Variants in MEI4 observed in about 807,000 individuals in gnomAD.
MEI4 encodes the protein meiotic double-stranded break formation protein 4, also known as meiosis-specific protein MEI4.
Under a neutral mutation model 31.4 loss-of-function variants are expected in MEI4, and 27 were observed. That is an observed-to-expected ratio of 0.86 (90% confidence interval 0.63 to 1.19). The LOEUF (loss-of-function observed/expected upper bound fraction) is 1.19, where lower values mean the gene tolerates loss of function less well. MEI4 is among the 50% of genes most tolerant of loss of function. The probability of loss-of-function intolerance (pLI) is 0.00; values close to 1 mark genes in which losing one functional copy is unlikely to be tolerated. For synonymous variants in MEI4, 122 were observed against 145.4 expected, an observed-to-expected ratio of 0.84 and a Z score of 1.16; for missense variants, 329 against 398.9, an observed-to-expected ratio of 0.82 and a Z score of 1.49.
chr6:77,879,583 T>C (rs1220310093), intron 4 of MEI4, among the ~76,000 whole-genome samples: 1 of 152,204 alleles, frequency 6.6e-6, no homozygotes, highest in East Asian at 1.9e-4. Flanking sequence ...ACAGCATACT[T>C]TTCTCAATAT....
At chr6:77,769,442 A>G (rs1190655041) in intron 3 of MEI4, among the ~76,000 whole-genome samples, 6 of 152,148 alleles carry the variant, frequency 3.9e-5, no homozygotes, top group Non-Finnish European at 2.9e-5. Flanking sequence ...AAGGACTGCA[A>G]TTCCTGCACA....
chr6:77,697,694 G>A lies in MEI4; in HGVS notation c.232+6791G>A, dbSNP rs75149483. 1.5e-3 allele frequency among the ~76,000 whole-genome samples: 228 copies of A among 152,236 alleles called. 1 individual carries two copies. Among genetic ancestry groups the A allele is most frequent in the South Asian group, 3.5e-3 (17 of 4,816 alleles). ...GGAGAGCTTTACTTCCAACTATGTG[G>A]TCAATTTTGGAACAGGTGTGGTGTG... On this transcript the variant is annotated intron_variant, in intron 2 of 4. Coordinates refer to ENST00000684080, the MANE Select transcript of MEI4 (RefSeq NM_001322247.2).
intron 4 of MEI4, among the ~76,000 whole-genome samples, chr6:77,866,311 G>T (rs1289840119): frequency 6.6e-6 from 1 of 152,142 alleles, no homozygotes; most frequent in Non-Finnish European, 1.5e-5. Flanking sequence ...CAGATGACAT[G>T]ATTGTATATC....
chr6:77,696,810 C>T (rs1190060549), intron 2 of MEI4, among the ~76,000 whole-genome samples: 1 of 152,032 alleles, frequency 6.6e-6, no homozygotes, highest in Non-Finnish European at 1.5e-5. Context: ...CCCTCTTTTT[C>T]TATTGATTGG....
At chr6:77,903,064 C>G (rs558386948) in intron 4 of MEI4, among the ~76,000 whole-genome samples, 2 of 152,208 alleles carry the variant, frequency 1.3e-5, no homozygotes, top group South Asian at 4.2e-4. Flanking sequence ...TCAGGGTTTT[C>G]TATATATAAG....
chr6:77,790,364 G>A (rs547911122), intron 3 of MEI4, among the ~76,000 whole-genome samples: 15 of 151,852 alleles, frequency 9.9e-5, no homozygotes, highest in Middle Eastern at 3.4e-3. Context: ...TAACCTGCAC[G>A]TTGTGCACAT....
intron 2 of MEI4, among the ~76,000 whole-genome samples, chr6:77,706,541 T>G (rs1217714550): frequency 1.3e-5 from 2 of 152,194 alleles, no homozygotes; most frequent in African/African-American, 4.8e-5. Flanking sequence ...AATAAATCTG[T>G]TATCTTTTTC....
At chr6:77,836,734 G>A (rs1283548367) in intron 4 of MEI4, among the ~76,000 whole-genome samples, 2 of 151,998 alleles carry the variant, frequency 1.3e-5, no homozygotes, top group Admixed American at 6.6e-5. Flanking sequence ...GTTGAGAGAG[G>A]AACCATATTC....
chr6:77,745,850 C>T (rs938134824), intron 2 of MEI4, among the ~76,000 whole-genome samples: 5 of 152,136 alleles, frequency 3.3e-5, no homozygotes, highest in Admixed American at 2.6e-4. Flanking sequence ...GGAAACTGAA[C>T]AACATGCTCC....
At chr6:77,871,764 A>G (rs1771199619) in intron 4 of MEI4, among the ~76,000 whole-genome samples, 1 of 152,204 alleles carries the variant, frequency 6.6e-6, no homozygotes, top group Non-Finnish European at 1.5e-5. Context: ...TAAAGGTGAC[A>G]TGTCAACTTT....
chr6:77,699,853 C>G (rs1766171195), intron 2 of MEI4, among the ~76,000 whole-genome samples: 1 of 152,114 alleles, frequency 6.6e-6, no homozygotes, highest in South Asian at 2.1e-4. Flanking sequence ...ACTCCACATC[C>G]TGTTTACCTG....
chr6:77,654,872 G>T (rs1173124939), intron 1 of MEI4, among the ~76,000 whole-genome samples: 1 of 151,996 alleles, frequency 6.6e-6, no homozygotes, highest in East Asian at 1.9e-4. Context: ...TAGAAAAGAA[G>T]CTCTTTTTCT....
At chr6:77,853,221 A>G (rs1217308940) in intron 4 of MEI4, among the ~76,000 whole-genome samples, 1 of 152,146 alleles carries the variant, frequency 6.6e-6, no homozygotes, top group Non-Finnish European at 1.5e-5. Flanking sequence ...ACAAAAAAAG[A>G]CAGGTTAATG....
At chr6:77,701,875 T>C (rs1321118467) in intron 2 of MEI4, among the ~76,000 whole-genome samples, 6 of 152,112 alleles carry the variant, frequency 3.9e-5, no homozygotes, top group African/African-American at 1.2e-4. Flanking sequence ...AGGGTTGAAC[T>C]GAGTTTTAAG....
chr6:77,663,901 C>T (rs1344813437), intron 1 of MEI4, among the ~76,000 whole-genome samples: 1 of 152,112 alleles, frequency 6.6e-6, no homozygotes, highest in Admixed American at 6.5e-5. Flanking sequence ...GGAGTGGCTG[C>T]CAGGTGAGTT....
intron 4 of MEI4, among the ~76,000 whole-genome samples, chr6:77,858,876 T>G (rs1418990213): frequency 6.7e-6 from 1 of 148,644 alleles, no homozygotes; most frequent in Non-Finnish European, 1.5e-5. Flanking sequence ...AAAAAAATAA[T>G]TTTGTAAGGA....
chr6:77,684,054 A>G (rs1371598293), intron 1 of MEI4, among the ~76,000 whole-genome samples: 1 of 152,146 alleles, frequency 6.6e-6, no homozygotes, highest in African/African-American at 2.4e-5. Flanking sequence ...CTTTTTGATA[A>G]AAGCCATTTT....
intron 1 of MEI4, among the ~76,000 whole-genome samples, chr6:77,654,470 C>A (rs1442653296): frequency 1.3e-5 from 2 of 151,060 alleles, no homozygotes; most frequent in Non-Finnish European, 2.9e-5. Context: ...AGAGCAAATT[C>A]AGTAGACCTT....
chr6:77,798,636 T>TC (rs1418618433), intron 3 of MEI4, among the ~76,000 whole-genome samples: 1 of 94,316 alleles, frequency 1.1e-5, no homozygotes, highest in Non-Finnish European at 2.0e-5. Flanking sequence ...AAGCTATCCC[T>TC]CCCCCCTCCC....
Sources: allele counts gnomAD v4.1 joint callset (sites outside exome capture counted in the v4.1 genomes callset), GRCh38; gene constraint gnomAD v4.1.1; transcripts MANE v1.5; gene names NCBI Gene and HGNC (gene_info 2026-07-23, HGNC 2026-07-21).